Variants in MIA2 observed in about 807,000 individuals in gnomAD.
MIA2 encodes the protein MIA SH3 domain ER export factor 2.
Under a neutral mutation model 167.8 loss-of-function variants are expected in MIA2, and 127 were observed. That is an observed-to-expected ratio of 0.76 (90% CI 0.66 to 0.88). The LOEUF (loss-of-function observed/expected upper bound fraction) is 0.88, where lower values mean the gene tolerates loss of function less well. Ranked by LOEUF, MIA2 falls within the 40% of genes least tolerant of loss-of-function variation. MIA2 has a pLI of 0.00. For synonymous variants in MIA2, 552 were observed against 541.9 expected (o/e 1.02, Z -0.26); for missense variants, 1,690 against 1,624.7 (o/e 1.04, Z -0.69).
intron 9 of MIA2, among the ~76,000 whole-genome samples, chr14:39,287,323 T>C (rs1566740917): frequency 6.6e-6 from 1 of 151,716 alleles, no homozygotes; most frequent in Non-Finnish European, 1.5e-5. Context: ...GATCCGCTTA[T>C]CTCAGCCTCC....
chr14:39,334,357 C>G (rs2069766793), intron 25 of MIA2, among the ~76,000 whole-genome samples: 1 of 151,928 alleles, frequency 6.6e-6, no homozygotes, highest in African/African-American at 2.4e-5. Flanking sequence ...CGCCTGTAAT[C>G]TCAGCTACTC....
intron 9 of MIA2, among the ~76,000 whole-genome samples, chr14:39,283,481 T>C (rs1212768700): frequency 6.6e-6 from 1 of 152,168 alleles, no homozygotes; most frequent in African/African-American, 2.4e-5. Context: ...AAGAAAACAA[T>C]GTTATTCAAA....
At chr14:39,298,829 A>G (rs1378056637) in intron 13 of MIA2, among the ~76,000 whole-genome samples, 1 of 151,178 alleles carries the variant, frequency 6.6e-6, no homozygotes, top group Non-Finnish European at 1.5e-5. Flanking sequence ...AACACCTGTA[A>G]TCTCAGTGAT....
chr14:39,302,039 T>C, intron 14 of MIA2, 90 bp from the exon 15 acceptor site: 1 of 1,413,160 alleles, frequency 7.1e-7, no homozygotes. Context: ...TGTGGACTGA[T>C]TTTTAAACTA....
chr14:39,302,013 CTTGTG>C (rs2062596487), intron 14 of MIA2, 111 bp from the exon 15 acceptor site: 1 of 1,155,068 alleles, frequency 8.7e-7, no homozygotes, highest in South Asian at 1.8e-5. Context: ...AATAAGAGCT[CTTGTG>C]TTGTTATTTA....
chr14:39,304,286 T>TAAAG lies in MIA2; in HGVS notation c.2788-4_2788-1dup. On this transcript the variant is annotated splice_polypyrimidine_tract_variant and splice_region_variant and intron_variant, in intron 16 of 28. Transcript: ENST00000640607. ...TTACTTTTTTCCTTCTTCCCTTCTT[T>TAAAG]AAAGTTAAATGCTTCTTTAAAAACC... 1 of 1,376,556 alleles carries TAAAG rather than the reference T, an allele frequency of 7.3e-7. No individual in the cohort carries two copies. The highest frequency in any genetic ancestry group is 1.0e-6 in the Non-Finnish European group (1 of 997,236). 85.3% of individuals were successfully genotyped at this position (1,376,556 alleles called of 1,614,324 possible).
chr14:39,352,582 C>A (rs1441625215), downstream of MIA2, among the ~76,000 whole-genome samples: 1 of 151,590 alleles, frequency 6.6e-6, no homozygotes, highest in Non-Finnish European at 1.5e-5. Context: ...GTTCCAGGAC[C>A]CCCACAGATA....
At chr14:39,360,495 T>C (rs999509713) in intron 23 of MIA2, among the ~76,000 whole-genome samples, 1 of 73,450 alleles carries the variant, frequency 1.4e-5, no homozygotes, top group African/African-American at 6.6e-5. Context: ...TGTTGTTGTC[T>C]TTTGTTCTTT....
intron 6 of MIA2, among the ~76,000 whole-genome samples, chr14:39,275,978 C>CT (rs1268804600): frequency 3.3e-5 from 5 of 152,146 alleles, no homozygotes; most frequent in Admixed American, 2.6e-4. Flanking sequence ...AAACACTGTT[C>CT]TTATAGGCAG....
intron 4 of MIA2, among the ~76,000 whole-genome samples, chr14:39,249,187 C>G (rs2054446499): frequency 6.6e-6 from 1 of 152,154 alleles, no homozygotes; most frequent in South Asian, 2.1e-4. Flanking sequence ...GTCACCTACA[C>G]TGGAGTGCAG....
At chr14:39,380,691 CAAAAAA>C (rs145179098) in intron 23 of MIA2, among the ~76,000 whole-genome samples, 11 of 85,014 alleles carry the variant, frequency 1.3e-4, no homozygotes, top group South Asian at 3.7e-4. Flanking sequence ...GACTCAGACT[CAAAAAA>C]AAAAAAAAAA....
At position 39,294,079 on chromosome 14, in the gene MIA2, G is replaced by A. The variant is rs369108063; in HGVS notation, c.2391+8G>A. 4.8e-5 allele frequency: 76 copies of A among 1,588,054 alleles called. 2 individuals are homozygous for A. In the Middle Eastern group the frequency reaches 1.3e-3, roughly 28 times the overall value. On this transcript the variant is annotated splice_region_variant and intron_variant, in intron 12 of 28. Transcript: ENST00000640607. ...AAATCACAAGTAGCTGAAGTAAGTT[G>A]AATTAGTCTAGTAGGTCTGTTGCTT... is the stretch of plus-strand genomic sequence containing the variant.
chr14:39,302,286 G>A (rs1164475633), intron 15 of MIA2, 37 bp downstream of exon 15: 1 of 1,605,892 alleles, frequency 6.2e-7, no homozygotes, highest in East Asian at 2.2e-5. Context: ...TGCTAAAATG[G>A]TGACTAGCTC....
intron 27 of MIA2, among the ~76,000 whole-genome samples, chr14:39,348,020 C>T (rs996028898): frequency 6.6e-5 from 10 of 151,882 alleles, no homozygotes; most frequent in South Asian, 4.1e-4. Flanking sequence ...ACCCTGTTGG[C>T]GAGGCTGGTC....
At position 39,255,369 on chromosome 14, in the gene MIA2, G is replaced by A. The variant is rs139313905; in HGVS notation, c.1887+2198G>A. 6.4e-3 allele frequency among the ~76,000 whole-genome samples: 981 copies of A among 152,158 alleles called. 9 individuals carry two copies. The highest frequency in any genetic ancestry group is 0.021 in the African/African-American group (892 of 41,520). Reference sequence around the variant, plus strand: ...CAAAAAATACAAAAATTAGCTGGGCGTGGTGGCGCGCATCTATAATCCCAG... The same window carrying A: ...CAAAAAATACAAAAATTAGCTGGGCATGGTGGCGCGCATCTATAATCCCAG... On this transcript the variant is annotated intron_variant, in intron 6 of 28. Transcript: ENST00000640607.
At chr14:39,300,460 G>T (rs1389570878) in intron 14 of MIA2, among the ~76,000 whole-genome samples, 1 of 151,890 alleles carries the variant, frequency 6.6e-6, no homozygotes, top group African/African-American at 2.4e-5. Context: ...TGATTTTTTA[G>T]ATTTTTAAGA....
At position 39,278,599 on chromosome 14, in the gene MIA2, G is replaced by A. The variant is rs147021032; in HGVS notation, c.2020-738G>A. 6.4e-3 allele frequency among the ~76,000 whole-genome samples: 979 copies of A among 152,240 alleles called. 4 individuals carry two copies. The highest frequency in any genetic ancestry group is 0.011 in the Non-Finnish European group (717 of 68,014). On this transcript the variant is annotated intron_variant, in intron 7 of 28. Transcript: ENST00000640607. ...CGCCTGCTTCATTATTTGAGAGAGA[G>A]GTTAAGGAAGAAAAAGGTTTGGTTT...
At chr14:39,333,477 ACCT>A (rs201230384) in intron 25 of MIA2, among the ~76,000 whole-genome samples, 2,474 of 152,202 alleles carry the variant, frequency 0.016, 45 homozygotes, top group African/African-American at 0.048. Context: ...ATTGGGCTCT[ACCT>A]TTGCGGCTTT....
chr14:39,319,430 T>G (rs1233550589), intron 23 of MIA2, 139 bp downstream of exon 23: 3 of 396,802 alleles, frequency 7.6e-6, no homozygotes, highest in Non-Finnish European at 1.3e-5. Context: ...GGTTCTAGAC[T>G]AAGCTTTCTC....
Sources: gnomAD v4.1 joint callset for allele counts (sites outside exome capture counted in the v4.1 genomes callset) on GRCh38, gnomAD v4.1.1 for gene constraint, MANE v1.5 for transcripts, NCBI Gene and HGNC (gene_info 2026-07-23, HGNC 2026-07-21) for gene names.